ZNF469: variants seen among roughly 807,000 people sequenced by gnomAD.
ZNF469 encodes the protein zinc finger protein 469.
ZNF469 carries 1 observed loss-of-function variant against 1.0 expected under a neutral mutation model. The observed-to-expected ratio is 1.00, with a 90% CI of 0.35 to 4.73. ZNF469 has a LOEUF of 4.73. Ranked by LOEUF, ZNF469 falls within the 30% of genes most tolerant of loss-of-function variation. ZNF469 has a pLI of 0.16. For missense variants in ZNF469, 6,100 were observed against 5,356.3 expected (o/e 1.14, Z -4.33); for synonymous variants, 2,703 against 2,363.4 (o/e 1.14, Z -4.17).
the ZNF469 span, among the ~76,000 whole-genome samples, chr16:88,112,147 C>T: frequency 6.6e-6 from 1 of 152,094 alleles, no homozygotes; most frequent in Non-Finnish European, 1.5e-5. Context: ...GCAGTAAACA[C>T]AGGCGTGCCG....
chr16:88,264,166 A>C, the ZNF469 span, among the ~76,000 whole-genome samples: 1 of 151,972 alleles, frequency 6.6e-6, no homozygotes, highest in African/African-American at 2.4e-5. Context: ...GGCCCTGCCC[A>C]CAAGGTCACT....
the ZNF469 span, among the ~76,000 whole-genome samples, chr16:88,358,673 G>T: frequency 6.6e-6 from 1 of 151,938 alleles, no homozygotes; most frequent in Non-Finnish European, 1.5e-5. Flanking sequence ...GCATTCCTCT[G>T]TGTGAAGGCA....
the ZNF469 span, among the ~76,000 whole-genome samples, chr16:88,216,344 A>T: frequency 6.6e-6 from 1 of 152,064 alleles, no homozygotes; most frequent in Non-Finnish European, 1.5e-5. Flanking sequence ...AAATACAAAA[A>T]TTAGCCGGGC....
At chr16:88,326,428 G>A in the ZNF469 span, among the ~76,000 whole-genome samples, 43 of 152,296 alleles carry the variant, frequency 2.8e-4, no homozygotes, top group South Asian at 2.3e-3. Context: ...CCCAATCTCA[G>A]GTATGTCTTT....
At chr16:88,121,357 CAT>C in the ZNF469 span, among the ~76,000 whole-genome samples, 1 of 152,158 alleles carries the variant, frequency 6.6e-6, no homozygotes, top group African/African-American at 2.4e-5. Context: ...AACATAAAAA[CAT>C]AGAGTTAAAG....
the ZNF469 span, among the ~76,000 whole-genome samples, chr16:88,107,948 C>T: frequency 6.6e-6 from 1 of 152,246 alleles, no homozygotes; most frequent in South Asian, 2.1e-4. Flanking sequence ...GCTGAGGTGC[C>T]CTCCCATGCC....
At chr16:88,128,201 C>G in the ZNF469 span, among the ~76,000 whole-genome samples, 1 of 151,640 alleles carries the variant, frequency 6.6e-6, no homozygotes, top group Non-Finnish European at 1.5e-5. Context: ...TGGCCCCTCT[C>G]GAGGCCAAGG....
the ZNF469 span, among the ~76,000 whole-genome samples, chr16:88,235,629 C>A: frequency 2.0e-5 from 3 of 152,234 alleles, no homozygotes. Flanking sequence ...CCTGAGTTAG[C>A]ATCTTGGAGG....
At chr16:88,421,138 C>T (rs1905443763) in intron 1 of ZNF469, among the ~76,000 whole-genome samples, 1 of 151,634 alleles carries the variant, frequency 6.6e-6, no homozygotes, top group African/African-American at 2.4e-5. Context: ...TTGGGAGCAG[C>T]GGCCAGGGGT....
chr16:88,116,703 G>A, the ZNF469 span, among the ~76,000 whole-genome samples: 2 of 152,184 alleles, frequency 1.3e-5, no homozygotes, highest in East Asian at 1.9e-4. Flanking sequence ...GAATTCTGCC[G>A]AGTGGGAAAA....
the ZNF469 span, among the ~76,000 whole-genome samples, chr16:88,205,325 G>T: frequency 6.6e-6 from 1 of 152,276 alleles, no homozygotes; most frequent in Non-Finnish European, 1.5e-5. This position sits in a 1 kb window ranked among gnomAD's most constrained non-coding sequence, Gnocchi z 4.2. Flanking sequence ...GCCTCCTGAG[G>T]CACAGCAGGG....
chr16:88,144,888 AG>A, the ZNF469 span, among the ~76,000 whole-genome samples: 4 of 148,826 alleles, frequency 2.7e-5, no homozygotes, highest in Non-Finnish European at 5.9e-5. Context: ...CTCGCTCTGT[AG>A]CCCAGGCTGG....
At chr16:88,227,871 G>T in the ZNF469 span, among the ~76,000 whole-genome samples, 1 of 152,184 alleles carries the variant, frequency 6.6e-6, no homozygotes, top group African/African-American at 2.4e-5. Flanking sequence ...GCACGCAGGT[G>T]TACCCCGCCA....
the ZNF469 span, among the ~76,000 whole-genome samples, chr16:88,256,895 C>CTTTCTCTCT: frequency 5.8e-5 from 3 of 51,430 alleles, no homozygotes; most frequent in African/African-American, 2.1e-4. Context: ...CTTTTCTTTC[C>CTTTCTCTCT]TTCTTTCTTT....
rs1457020378 is a variant in ZNF469 at position 88,432,028 on chromosome 16, G to T, written c.4558G>T (p.Gly1520Trp). 1 of 1,550,384 alleles carries T rather than the reference G, an allele frequency of 6.5e-7. No homozygotes were observed. Among genetic ancestry groups the T allele is most frequent in the Non-Finnish European group, 8.7e-7 (1 of 1,146,974 alleles). ...GCCTAGCCATTTTCCTGATCTCTCG[G>T]GGGGAAAGGTGCTCAGTAAGACGTG... is the stretch of plus-strand genomic sequence containing the variant. Reference protein sequence around the residue: ...MLPSHFPDLSGGKVLSKTCPP... With the variant: ...MLPSHFPDLSWGKVLSKTCPP... The change falls in exon 3 of 3, where the codon GGG becomes TGG. Residue 1520 changes from glycine to tryptophan, a missense_variant. Physicochemically the swap from Gly to Trp is radical, Grantham distance 184. Coordinates refer to ENST00000565624, the MANE Select transcript of ZNF469 (RefSeq NM_001367624.2).
the ZNF469 span, among the ~76,000 whole-genome samples, chr16:88,149,641 C>A: frequency 6.6e-6 from 1 of 152,152 alleles, no homozygotes; most frequent in African/African-American, 2.4e-5. Flanking sequence ...CTGAAGAACC[C>A]CCCGCACCCC....
the ZNF469 span, among the ~76,000 whole-genome samples, chr16:88,164,229 G>A: frequency 2.0e-5 from 3 of 151,978 alleles, no homozygotes; most frequent in South Asian, 4.2e-4. Flanking sequence ...TGGATGGGTG[G>A]GATAAGTGGA....
At chr16:88,358,193 A>G in the ZNF469 span, among the ~76,000 whole-genome samples, 1 of 152,168 alleles carries the variant, frequency 6.6e-6, no homozygotes, top group Non-Finnish European at 1.5e-5. Context: ...AGAGGCGGGC[A>G]TTGTGAGGAA....
Position 88,430,806 on chromosome 16 carries a change from A to C in ZNF469, c.3336A>C (p.Arg1112Ser). 1 of 1,529,252 alleles carries C rather than the reference A, an allele frequency of 6.5e-7. No homozygotes were observed. Among genetic ancestry groups the C allele is most frequent in the Non-Finnish European group, 8.7e-7 (1 of 1,144,224 alleles). 94.7% of individuals were successfully genotyped at this position (1,529,252 alleles called of 1,614,324 possible). The change falls in exon 3 of 3, where the codon AGA (arginine) becomes AGC (serine). Residue 1112 changes from arginine (R) to serine (S), a missense_variant. By Grantham distance (110) the Arg-to-Ser change is moderately radical (BLOSUM62 -1). Transcript: ENST00000565624. ...CTCCGCCGCGGGGCCCCGGCTTCAG[A>C]GGCCGGCGGGGCCGAGGCGAGAAGA... ...EQPPPRGPGF[R>S]GRRGRGEKRK...
Sources: allele counts gnomAD v4.1 joint callset (sites outside exome capture counted in the v4.1 genomes callset), GRCh38; gene constraint gnomAD v4.1.1; non-coding constraint Gnocchi (gnomAD v3.1); transcripts MANE v1.5; gene names NCBI Gene and HGNC (gene_info 2026-07-23, HGNC 2026-07-21).